Variants in SALL2 observed in about 807,000 individuals in gnomAD.
SALL2 encodes sal-like protein 2.
A neutral mutation model predicts 58.5 loss-of-function variants in SALL2; 32 were observed. That is an observed-to-expected ratio of 0.55 (90% CI 0.41 to 0.74). The LOEUF is 0.74. Among genes scored for constraint, SALL2 ranks in the 30% least tolerant of loss-of-function variants. The pLI is 0.00. For synonymous variants in SALL2, 516 were observed against 513.6 expected (o/e 1.00, Z -0.06); for missense variants, 1,201 against 1,268.9 (o/e 0.95, Z 0.81).
At position 21,531,709 on chromosome 14, in the gene SALL2, C is replaced by A. The variant is rs1233562089; in HGVS notation, c.-114+5253G>T. Among the ~76,000 whole-genome samples, 3 of 138,616 alleles carry A rather than the reference C, an allele frequency of 2.2e-5. 1 individual carries two copies. Among genetic ancestry groups the A allele is most frequent in the Admixed American group, 7.1e-5 (1 of 14,040 alleles). The allele number at this position is 138,616 out of a possible 152,430, so 90.9% of individuals were successfully genotyped here. Reference sequence around the variant, plus strand: ...GGCATGAGCCACCGCGCCTGGCCAGCCTTTTTTTTTTTTTTGAGACGGAGT... The same window carrying A: ...GGCATGAGCCACCGCGCCTGGCCAGACTTTTTTTTTTTTTTGAGACGGAGT... On this transcript the variant is annotated intron_variant, in intron 1 of 1. Transcript: ENST00000541965.
In SALL2 at chr14:21,524,840, G is replaced by A. The variant is rs368167682; in HGVS notation, c.882C>T (p.His294=). The A allele has an allele frequency of 6.2e-7, 1 of 1,612,798 alleles. No homozygotes were observed. Among genetic ancestry groups the A allele is most frequent in the African/African-American group, 1.3e-5 (1 of 74,944 alleles). ...PFSAGGVGRS[H]KPTPAPSPAL... is the part of the protein sequence containing the mutation. ...CTGGGGAAGGGGCAGGGGTGGGTTT[G>A]TGGCTTCGCCCAACCCCTCCAGCAG... is the stretch of plus-strand genomic sequence containing the variant. Residue 294 remains histidine (H), a synonymous_variant, in exon 2 of 2, where the codon CAC becomes CAT. Coordinates refer to ENST00000537235, the MANE Select transcript of SALL2 (RefSeq NM_001364564.1).
intron 1 of SALL2, among the ~76,000 whole-genome samples, chr14:21,531,852 C>T (rs1892474372): frequency 6.6e-6 from 1 of 152,056 alleles, no homozygotes; most frequent in Non-Finnish European, 1.5e-5. Flanking sequence ...GCCTCAGCCT[C>T]CCAAGTAGCT....
At chr14:21,533,125 C>T (rs1387290207) in intron 1 of SALL2, among the ~76,000 whole-genome samples, 1 of 151,766 alleles carries the variant, frequency 6.6e-6, no homozygotes, top group Non-Finnish European at 1.5e-5. Context: ...TGAATGAAGC[C>T]CTGGGGTAAG....
At chr14:21,532,919 C>T (rs994274555) in intron 1 of SALL2, among the ~76,000 whole-genome samples, 1 of 149,974 alleles carries the variant, frequency 6.7e-6, no homozygotes, top group Admixed American at 6.6e-5. Flanking sequence ...GCCAAGATCG[C>T]GCCACTGCAC....
rs1234523755 is a variant in SALL2 at position 21,522,496 on chromosome 14, T to G, written c.*208A>C. On this transcript the variant is annotated 3_prime_UTR_variant, in exon 2 of 2. Transcript: ENST00000537235. ...ATCTATGTTCCTCAGGTACAAAGAA[T>G]GAGGAGGGAAGAAAAATTCCTTAGG... The G allele has an allele frequency of 7.2e-7, 1 of 1,387,306 alleles. No homozygotes were observed. The highest frequency in any genetic ancestry group is 1.4e-5 in the African/African-American group (1 of 69,078). 85.9% of individuals were successfully genotyped at this position (1,387,306 alleles called of 1,614,324 possible).
In SALL2 at chr14:21,521,220, C is replaced by A. The variant is rs892740092; in HGVS notation, c.*1484G>T. ...TCAAGTCAGTCAATAGCAAAACCCTCACTCTCTCCTCCTCAGAACTCCTGT... is the reference window on the plus strand; with the variant it reads ...TCAAGTCAGTCAATAGCAAAACCCTAACTCTCTCCTCCTCAGAACTCCTGT... On this transcript the variant is annotated 3_prime_UTR_variant, in exon 2 of 2. Transcript: ENST00000537235. The A allele has an allele frequency of 6.6e-6, 1 of 152,220 alleles. No homozygotes were observed. Among genetic ancestry groups the A allele is most frequent in the African/African-American group, 2.4e-5 (1 of 41,436 alleles). 9.4% of individuals were successfully genotyped at this position (152,220 alleles called of 1,614,324 possible). A position where few individuals can be genotyped will look rare whatever the true frequency, so the allele number is the denominator to read the frequency against.
rs761261661 is a variant in SALL2, at chr14:21,526,040, G to A, written c.67+21C>T. On this transcript the variant is annotated intron_variant, in intron 1 of 1. Transcript: ENST00000537235. ...CCCCCTCCGCCCCCACCCCTGCCCAGCCCGACCGACCCTACCGCACCTCCG... is the reference window on the plus strand; with the variant it reads ...CCCCCTCCGCCCCCACCCCTGCCCAACCCGACCGACCCTACCGCACCTCCG... The A allele has an allele frequency of 3.0e-6, 3 of 1,015,446 alleles. No individual in the cohort carries two copies. The South Asian group carries it at 4.1e-5, about 14-fold the overall frequency. The allele number at this position is 1,015,446 out of a possible 1,614,324, so 62.9% of individuals were successfully genotyped here.
intron 1 of SALL2, among the ~76,000 whole-genome samples, chr14:21,535,961 A>G (rs561079603): frequency 6.6e-6 from 1 of 152,272 alleles, no homozygotes; most frequent in East Asian, 1.9e-4. Context: ...GGGTTTAGTG[A>G]GCACTACCAG....
upstream of SALL2, among the ~76,000 whole-genome samples, chr14:21,529,651 A>C (rs1892407311): frequency 1.3e-5 from 2 of 152,084 alleles, no homozygotes; most frequent in Admixed American, 6.6e-5. Context: ...AGAAAAAAAA[A>C]AGAAAAGAAA....
rs1242473540 is a variant in SALL2, at chr14:21,523,433, C to G, written c.2289G>C (p.Glu763Asp). Residue 763 changes from glutamate to aspartate, a missense_variant, in exon 2 of 2, where the codon GAG becomes GAC. This residue lies in a region of SALL2 where 675 missense variants were observed against 683.8 expected (regional missense o/e 0.99). Transcript: ENST00000537235. This position sits in a 1 kb window ranked among gnomAD's most constrained non-coding sequence, Gnocchi z 4.4. Reference protein sequence around the residue: ...QPSPEEELSEEEEEEDEEEEE... With the variant: ...QPSPEEELSEDEEEEDEEEEE... Reference sequence around the variant, plus strand: ...CTTCTTCCTCATCCTCCTCTTCCTCCTCCTCAGACAACTCCTCTTCCGGTG... The same window carrying G: ...CTTCTTCCTCATCCTCCTCTTCCTCGTCCTCAGACAACTCCTCTTCCGGTG... 6 of 1,613,928 alleles carry G rather than the reference C, an allele frequency of 3.7e-6. No individual in the cohort carries two copies. In the South Asian group the frequency reaches 6.6e-5, roughly 18 times the overall value.
At position 21,524,932 on chromosome 14, in the gene SALL2, CT is replaced by C; in HGVS notation, c.789del (p.Ala265GlnfsTer47). On this transcript the variant is annotated frameshift_variant, in exon 2 of 2. Coordinates refer to ENST00000537235, the MANE Select transcript of SALL2 (RefSeq NM_001364564.1). LOFTEE classifies it high-confidence loss of function. Reference protein sequence around the residue: ...ASSSSSSSSSSGAETPKQAFF... With the variant: ...ASSSSSSSSSXGAETPKQAFF... ...AAGGCCTGCTTGGGCGTTTCTGCCC[CT>C]GAAGAGGAAGAGGAGGAGGAGGAGG... 1 of 1,614,134 alleles carries C rather than the reference CT, an allele frequency of 6.2e-7. No homozygotes were observed. Among genetic ancestry groups the C allele is most frequent in the Non-Finnish European group, 8.5e-7 (1 of 1,179,998 alleles).
chr14:21,531,766 GTCGCCC>G (rs1892471346), intron 1 of SALL2, among the ~76,000 whole-genome samples: 6 of 141,042 alleles, frequency 4.3e-5, no homozygotes, highest in African/African-American at 1.5e-4. Flanking sequence ...GAGTGCAATG[GTCGCCC>G]AGGCTGGAGT....
chr14:21,534,255 C>G (rs1351907835), intron 1 of SALL2, among the ~76,000 whole-genome samples: 1 of 152,180 alleles, frequency 6.6e-6, no homozygotes, highest in Non-Finnish European at 1.5e-5. Flanking sequence ...CCAATGACAT[C>G]CAGATCATAA....
chr14:21,525,143 A>G lies in SALL2; in HGVS notation c.579T>C (p.His193=), dbSNP rs1223003603. The stretch of plus-strand genomic sequence containing the variant: ...AGATTTGCTCAGTCATCTGCATCTG[A>G]TGGATCTGCCGCTGCTGCAGCACCC... ...ELRVLQQRQI[H]QMQMTEQICR... is the part of the protein sequence containing the mutation. The change falls in exon 2 of 2, where the codon CAT becomes CAC. Residue 193 remains histidine, a synonymous_variant. Transcript: ENST00000537235. The surrounding 1 kb of genome is among the most constrained non-coding windows in gnomAD (Gnocchi z 4.4). 2.5e-6 allele frequency: 4 copies of G among 1,613,786 alleles called. No homozygotes were observed. The highest frequency in any genetic ancestry group is 1.3e-5 in the African/African-American group (1 of 74,826).
chr14:21,536,739 C>G, intron 1 of SALL2: 1 of 791,214 alleles, frequency 1.3e-6, no homozygotes, highest in Non-Finnish European at 2.1e-6. Flanking sequence ...CCCCAGTGAC[C>G]AAGTCCGCCC....
Position 21,522,296 on chromosome 14 carries a change from G to A in SALL2, c.*408C>T, listed in dbSNP as rs1892069264. ...CCAGCTGAGCAGAAAGGTCACCCCA[G>A]AGGAGTGGCACTGGGCCCTCCAGAG... On this transcript the variant is annotated 3_prime_UTR_variant, in exon 2 of 2. Coordinates refer to ENST00000537235, the MANE Select transcript of SALL2 (RefSeq NM_001364564.1). The A allele has an allele frequency of 1.3e-6, 2 of 1,525,260 alleles. No individual in the cohort carries two copies. The highest frequency in any genetic ancestry group is 1.8e-6 in the Non-Finnish European group (2 of 1,138,208). The allele number at this position is 1,525,260 out of a possible 1,614,324, so 94.5% of individuals were successfully genotyped here.
upstream of SALL2, among the ~76,000 whole-genome samples, chr14:21,530,894 A>G (rs1211481736): frequency 6.6e-6 from 1 of 152,218 alleles, no homozygotes; most frequent in Non-Finnish European, 1.5e-5. Flanking sequence ...GTACAGATGT[A>G]AGCCACTGCC....
At chr14:21,536,850 G>T in intron 1 of SALL2, 1 of 1,613,782 alleles carries the variant, frequency 6.2e-7, no homozygotes, top group South Asian at 1.1e-5. Context: ...GGCACCCACC[G>T]TTCTCAGACG....
At chr14:21,535,052 A>G (rs539880477) in intron 1 of SALL2, among the ~76,000 whole-genome samples, 2 of 152,116 alleles carry the variant, frequency 1.3e-5, no homozygotes, top group Non-Finnish European at 2.9e-5. Flanking sequence ...CGTCTCATAA[A>G]GAAATGCTGA....
Sources: gnomAD v4.1 joint callset for allele counts (sites outside exome capture counted in the v4.1 genomes callset) on GRCh38, gnomAD v4.1.1 for gene constraint, gnomAD v4.1.1 regional missense constraint, Gnocchi (gnomAD v3.1) non-coding constraint, MANE v1.5 for transcripts, NCBI Gene and HGNC (gene_info 2026-07-23, HGNC 2026-07-21) for gene names.